The following ELP4 variants were observed in gnomAD, a reference collection of about 807,000 sequenced individuals.
ELP4 encodes elongator acetyltransferase complex subunit 4, also known as elongator complex protein 4.
In ELP4, 51 loss-of-function variants were observed where a neutral mutation model predicts 48.9. The ratio of observed to expected loss-of-function variants is 1.04; its 90% CI spans 0.83 to 1.32. The LOEUF (loss-of-function observed/expected upper bound fraction) is 1.32. ELP4 is among the 40% of genes most tolerant of loss of function. The pLI is 0.00. For synonymous variants in ELP4, 210 were observed against 189.2 expected (o/e 1.11, Z -0.90); for missense variants, 519 against 514.6 (o/e 1.01, Z -0.08).
chr11:31,525,235 A>C (rs561915330), intron 2 of ELP4, among the ~76,000 whole-genome samples: 1 of 152,148 alleles, frequency 6.6e-6, no homozygotes, highest in African/African-American at 2.4e-5. Flanking sequence ...ACTATATTTG[A>C]TATTCTACTA....
intron 9 of ELP4, among the ~76,000 whole-genome samples, chr11:31,754,312 ACT>A (rs1947788053): frequency 6.6e-6 from 1 of 151,988 alleles, no homozygotes; most frequent in Admixed American, 6.5e-5. Flanking sequence ...CGTACTATTT[ACT>A]CTGACTTACA....
In ELP4 at chr11:31,520,087, A is replaced by T; in HGVS notation, c.255A>T (p.Leu85=). ...GTTTAGCCGTTGGAACAGTTCTTCT[A>T]ATTGGTTAGTACAAAATACATGCTT... The part of the protein sequence containing the change: ...GGGLAVGTVL[L]IEEDKYNIYS... Residue 85 remains leucine (L), a synonymous_variant, in exon 2 of 10, where the codon CTA becomes CTT. Transcript: ENST00000640961. 6.2e-7 allele frequency: 1 copy of T among 1,612,444 alleles called. No individual in the cohort carries two copies. Among genetic ancestry groups the T allele is most frequent in the East Asian group, 2.2e-5 (1 of 44,710 alleles).
At chr11:31,585,320 CT>C (rs2133977529) in intron 3 of ELP4, among the ~76,000 whole-genome samples, 2 of 152,008 alleles carry the variant, frequency 1.3e-5, no homozygotes, top group South Asian at 4.2e-4. Flanking sequence ...AATCCAAGAC[CT>C]AATAATGTAC....
rs556752943 is a variant in ELP4, at chr11:31,774,904, G to A, written c.1144-8489G>A. On this transcript the variant is annotated intron_variant, in intron 9 of 9. Coordinates refer to ENST00000640961, the MANE Select transcript of ELP4 (RefSeq NM_019040.5). Reference sequence around the variant, plus strand: ...TCTCTCACATAAAGCCCAGTTAGATGACCTAGTACTCTTCTGGTGGCCAGA... The same window carrying A: ...TCTCTCACATAAAGCCCAGTTAGATAACCTAGTACTCTTCTGGTGGCCAGA... 9.9e-4 allele frequency among the ~76,000 whole-genome samples: 151 copies of A among 152,302 alleles called. No homozygotes were observed. The South Asian group carries it at 0.013, about 13-fold the overall frequency.
chr11:31,730,831 T>C (rs1301338936), intron 9 of ELP4, among the ~76,000 whole-genome samples: 2 of 152,192 alleles, frequency 1.3e-5, no homozygotes, highest in Non-Finnish European at 2.9e-5. Flanking sequence ...TAGCCTGACA[T>C]AGGACACTGA....
intron 9 of ELP4, among the ~76,000 whole-genome samples, chr11:31,769,057 TA>T (rs1948090724): frequency 6.6e-6 from 1 of 152,058 alleles, no homozygotes. Flanking sequence ...CAGCTCCTAA[TA>T]AAAAACAACA....
chr11:31,664,788 A>G (rs1022694285), intron 9 of ELP4, among the ~76,000 whole-genome samples: 21 of 152,238 alleles, frequency 1.4e-4, no homozygotes, highest in African/African-American at 5.1e-4. Flanking sequence ...CTAAAAGGGT[A>G]CTCCTTACTA....
chr11:31,698,199 A>G (rs1404870047), intron 9 of ELP4, among the ~76,000 whole-genome samples: 1 of 152,176 alleles, frequency 6.6e-6, no homozygotes, highest in African/African-American at 2.4e-5. Flanking sequence ...TTAAACACAT[A>G]TTTGTATTAA....
intron 9 of ELP4, among the ~76,000 whole-genome samples, chr11:31,780,234 A>G (rs958184750): frequency 2.6e-5 from 4 of 152,150 alleles, no homozygotes; most frequent in African/African-American, 9.7e-5. Context: ...TTACATGTCA[A>G]GTGTGTAAAT....
chr11:31,642,050 G>T (rs1163186551), intron 7 of ELP4, among the ~76,000 whole-genome samples: 1 of 152,008 alleles, frequency 6.6e-6, no homozygotes, highest in South Asian at 2.1e-4. Context: ...TCTGTGGGTA[G>T]ATTTCTTAAT....
chr11:31,666,862 A>G (rs1020578230), intron 9 of ELP4, among the ~76,000 whole-genome samples: 13 of 152,254 alleles, frequency 8.5e-5, no homozygotes, highest in Admixed American at 1.3e-4. Context: ...AGGAAATATC[A>G]ACATTTTGAG....
chr11:31,637,152 C>T (rs932024328), intron 7 of ELP4, among the ~76,000 whole-genome samples: 39 of 151,824 alleles, frequency 2.6e-4, no homozygotes, highest in Admixed American at 2.2e-3. Context: ...GTAGTTGTTC[C>T]ACTCGCCAAG....
chr11:31,579,412 A>T (rs544238999), intron 3 of ELP4, among the ~76,000 whole-genome samples: 22 of 152,240 alleles, frequency 1.4e-4, no homozygotes, highest in Non-Finnish European at 2.8e-4. Context: ...AAATACCATT[A>T]GACCCAGCCA....
chr11:31,606,198 A>C (rs954834285), intron 5 of ELP4, among the ~76,000 whole-genome samples: 1 of 152,266 alleles, frequency 6.6e-6, no homozygotes, highest in African/African-American at 2.4e-5. Context: ...TTAAATGCTT[A>C]ATTAAATGTA....
chr11:31,676,659 T>A (rs1467176237), intron 9 of ELP4, among the ~76,000 whole-genome samples: 2 of 152,196 alleles, frequency 1.3e-5, no homozygotes, highest in African/African-American at 4.8e-5. Context: ...TTATTGCTAT[T>A]ATTTATAGGT....
At position 31,650,952 on chromosome 11, in the gene ELP4, G is replaced by C. The variant is rs542690388; in HGVS notation, c.1143+731G>C. The C allele has an allele frequency of 1.4e-4, 22 of 151,752 alleles. No homozygotes were observed. The East Asian group carries it at 2.9e-3, about 20-fold the overall frequency. 9.4% of individuals were successfully genotyped at this position (151,752 alleles called of 1,614,324 possible). On this transcript the variant is annotated intron_variant, in intron 9 of 9. Coordinates refer to ENST00000640961, the MANE Select transcript of ELP4 (RefSeq NM_019040.5). The stretch of plus-strand genomic sequence containing the variant: ...AACAAAGACATAAAACAGCCAAGCA[G>C]CCTTGACAAACCATTTTGTTTAATC...
chr11:31,782,414 T>C (rs3026405), intron 9 of ELP4, among the ~76,000 whole-genome samples: 2,221 of 152,228 alleles, frequency 0.015, 53 homozygotes, highest in African/African-American at 0.051. Flanking sequence ...TAGTCATCAG[T>C]GGGGAGCCCT....
At chr11:31,702,565 A>G (rs989465176) in intron 9 of ELP4, among the ~76,000 whole-genome samples, 1 of 152,120 alleles carries the variant, frequency 6.6e-6, no homozygotes, top group African/African-American at 2.4e-5. Flanking sequence ...TATGCTATGT[A>G]TATTTTACCA....
chr11:31,668,954 C>G (rs1945744377), intron 9 of ELP4, among the ~76,000 whole-genome samples: 1 of 151,740 alleles, frequency 6.6e-6, no homozygotes, highest in Non-Finnish European at 1.5e-5. Context: ...AATACATGTC[C>G]TTAATATCTG....
Sources: allele counts gnomAD v4.1 joint callset (sites outside exome capture counted in the v4.1 genomes callset), GRCh38; gene constraint gnomAD v4.1.1; transcripts MANE v1.5; gene names NCBI Gene and HGNC (gene_info 2026-07-23, HGNC 2026-07-21).